Variants in CACNA1C observed in about 807,000 individuals in gnomAD.
The protein encoded by CACNA1C is voltage-dependent L-type calcium channel subunit alpha-1C.
CACNA1C carries 30 observed loss-of-function variants against 229.0 expected under a neutral mutation model. That is an observed-to-expected ratio of 0.13 (90% CI 0.10 to 0.18). CACNA1C has a LOEUF of 0.18. CACNA1C is among the 10% of genes least tolerant of loss of function. The pLI is 1.00. For missense variants in CACNA1C, 1,658 were observed against 2,845.0 expected (o/e 0.58, Z 9.49); for synonymous variants, 1,114 against 1,132.5 (o/e 0.98, Z 0.33).
At chr12:2,140,320 C>T (rs1183535383) in intron 3 of CACNA1C, among the ~76,000 whole-genome samples, 1 of 151,462 alleles carries the variant, frequency 6.6e-6, no homozygotes, top group African/African-American at 2.4e-5. Context: ...GGATTGCAGA[C>T]AAGGGCCTCC....
At chr12:2,350,150 G>A (rs747546370) in intron 3 of CACNA1C, among the ~76,000 whole-genome samples, 12 of 152,080 alleles carry the variant, frequency 7.9e-5, no homozygotes, top group South Asian at 6.2e-4. Context: ...CTTGCTGTTC[G>A]TGCCTTCTCT....
chr12:2,316,179 A>T (rs112562170), intron 3 of CACNA1C, among the ~76,000 whole-genome samples: 3 of 152,262 alleles, frequency 2.0e-5, no homozygotes, highest in African/African-American at 7.2e-5. Context: ...AGGCCCCCAA[A>T]GCTGAACATA....
chr12:2,691,111 G>C lies in CACNA1C; in HGVS notation c.6329G>C (p.Gly2110Ala). The C allele has an allele frequency of 6.2e-7, 1 of 1,612,062 alleles. No individual in the cohort carries two copies. The highest frequency in any genetic ancestry group is 8.5e-7 in the Non-Finnish European group (1 of 1,178,904). ...GACGCGGGGCAGGACCGAGCCGGGG[G>C]CGAAGAGGACGCGGGCTGTGTGCGC... ...CRDAGQDRAG[G>A]EEDAGCVRAR... Residue 2110 changes from glycine (G) to alanine (A), a missense_variant, in exon 47 of 47, where the codon GGC becomes GCC. This residue lies in a region of CACNA1C where 590 missense variants were observed against 700.8 expected (regional missense o/e 0.84). Coordinates refer to ENST00000399655, the MANE Select transcript of CACNA1C (RefSeq NM_000719.7).
In CACNA1C at chr12:2,595,722, G is replaced by A. The variant is rs1452022725; in HGVS notation, c.2664-152G>A. On this transcript the variant is annotated intron_variant, in intron 19 of 46. Transcript: ENST00000399655. This position sits in a 1 kb window ranked among gnomAD's most constrained non-coding sequence, Gnocchi z 4.1. ...GAGCAGTTGTCATTACCAAGCAGCA[G>A]TAAGACTTCAGAATGAAGAGGTCAC... 6.6e-6 allele frequency among the ~76,000 whole-genome samples: 1 copy of A among 152,106 alleles called. No individual in the cohort carries two copies. Among genetic ancestry groups the A allele is most frequent in the Non-Finnish European group, 1.5e-5 (1 of 68,034 alleles).
At chr12:2,059,996 G>T (rs2056844601) in intron 1 of CACNA1C, among the ~76,000 whole-genome samples, 1 of 152,172 alleles carries the variant, frequency 6.6e-6, no homozygotes, top group Non-Finnish European at 1.5e-5. Context: ...GAGTTGGAAG[G>T]GTGGGGTGGG....
intron 11 of CACNA1C, among the ~76,000 whole-genome samples, chr12:2,563,405 C>A (rs1253539828): frequency 1.3e-5 from 2 of 152,168 alleles, no homozygotes; most frequent in African/African-American, 2.4e-5. Flanking sequence ...CACCTGGTGG[C>A]CTGCTTCCCT....
At chr12:2,565,717 GGCATGT>G (rs2050491938) in intron 11 of CACNA1C, among the ~76,000 whole-genome samples, 1 of 152,152 alleles carries the variant, frequency 6.6e-6, no homozygotes, top group Non-Finnish European at 1.5e-5. Flanking sequence ...TGTGTGTGTG[GGCATGT>G]GCCCATTTTT....
chr12:2,359,322 G>A (rs1044836695), intron 3 of CACNA1C, among the ~76,000 whole-genome samples: 1 of 152,188 alleles, frequency 6.6e-6, no homozygotes, highest in East Asian at 1.9e-4. Context: ...GTGAGCCAGT[G>A]GGTGGACCTT....
At chr12:2,394,033 A>C (rs2098530951) in intron 3 of CACNA1C, among the ~76,000 whole-genome samples, 1 of 150,320 alleles carries the variant, frequency 6.7e-6, no homozygotes, top group African/African-American at 2.4e-5. Context: ...TGAGCCTAGG[A>C]GGTCGAGGCT....
intron 4 of CACNA1C, 127 bp downstream of exon 4, chr12:2,449,242 G>A: frequency 1.7e-6 from 1 of 603,974 alleles, no homozygotes; most frequent in Non-Finnish European, 2.7e-6. Flanking sequence ...GATCTAGAGT[G>A]AGAAAAATGA....
intron 8 of CACNA1C, among the ~76,000 whole-genome samples, chr12:2,506,004 G>A (rs1291391904): frequency 2.0e-5 from 3 of 152,104 alleles, no homozygotes; most frequent in Admixed American, 6.5e-5. Flanking sequence ...ACTGGGAATC[G>A]CTACTCCCAG....
At chr12:2,060,698 A>C (rs187913860) in intron 1 of CACNA1C, among the ~76,000 whole-genome samples, 1 of 152,200 alleles carries the variant, frequency 6.6e-6, no homozygotes, top group Non-Finnish European at 1.5e-5. Flanking sequence ...TAATTTCATG[A>C]AATATTCAAG....
At chr12:2,159,081 G>A (rs1210885345) in intron 3 of CACNA1C, among the ~76,000 whole-genome samples, 1 of 152,176 alleles carries the variant, frequency 6.6e-6, no homozygotes, top group Admixed American at 6.5e-5. Context: ...AATACCAAAA[G>A]AAACAGCTAA....
At chr12:2,035,159 C>T (rs996077359) in intron 1 of CACNA1C, among the ~76,000 whole-genome samples, 1 of 152,186 alleles carries the variant, frequency 6.6e-6, no homozygotes, top group African/African-American at 2.4e-5. Flanking sequence ...CCGGGCCCTC[C>T]GCGGGGCGCC....
chr12:2,570,355 G>A (rs922691654), intron 13 of CACNA1C, among the ~76,000 whole-genome samples: 16 of 152,092 alleles, frequency 1.1e-4, no homozygotes, highest in African/African-American at 2.2e-4. Flanking sequence ...TGCTCTTCTC[G>A]TCACAATTCT....
At chr12:2,443,743 A>G (rs565884403) in intron 3 of CACNA1C, among the ~76,000 whole-genome samples, 42 of 152,230 alleles carry the variant, frequency 2.8e-4, no homozygotes, top group Non-Finnish European at 5.7e-4. Flanking sequence ...TGGGGCATCT[A>G]TGAGAACAGT....
intron 3 of CACNA1C, among the ~76,000 whole-genome samples, chr12:2,240,749 C>CCT (rs1240450845): frequency 1.4e-5 from 2 of 142,668 alleles, no homozygotes; most frequent in East Asian, 4.7e-4. Context: ...GTTAGGTGGG[C>CCT]ACGCGTGGCC....
At chr12:2,450,983 A>G (rs114316230) in intron 4 of CACNA1C, among the ~76,000 whole-genome samples, 2,113 of 152,228 alleles carry the variant, frequency 0.014, 44 homozygotes, top group African/African-American at 0.048. Context: ...GATGGCTCAT[A>G]AGGTTGCTTG....
chr12:2,096,802 G>A (rs185092459), intron 1 of CACNA1C, among the ~76,000 whole-genome samples: 1 of 151,992 alleles, frequency 6.6e-6, no homozygotes, highest in Admixed American at 6.5e-5. Context: ...ACTATTCTAG[G>A]TACCTCATAT....
Sources: allele counts gnomAD v4.1 joint callset (sites outside exome capture counted in the v4.1 genomes callset), GRCh38; gene constraint gnomAD v4.1.1; regional missense constraint gnomAD v4.1.1; non-coding constraint Gnocchi (gnomAD v3.1); transcripts MANE v1.5; gene names NCBI Gene and HGNC (gene_info 2026-07-23, HGNC 2026-07-21).